The following RNF17 variants were observed in gnomAD, a reference collection of about 807,000 sequenced individuals.
The protein encoded by RNF17 is spermatogenesis associated 23.
A neutral mutation model predicts 200.5 loss-of-function variants in RNF17; 31 were observed. The ratio of observed to expected loss-of-function variants is 0.15; its 90% CI spans 0.12 to 0.21. The LOEUF (loss-of-function observed/expected upper bound fraction) is 0.21. Among genes scored for constraint, RNF17 ranks in the 10% least tolerant of loss-of-function variants. The pLI is 1.00. For missense variants in RNF17, 1,628 were observed against 1,905.1 expected (o/e 0.85, Z 2.71); for synonymous variants, 606 against 637.8 (o/e 0.95, Z 0.75).
chr13:24,766,017 C>T (rs890043460), intron 1 of RNF17, among the ~76,000 whole-genome samples: 34 of 152,176 alleles, frequency 2.2e-4, no homozygotes, highest in African/African-American at 6.8e-4. Flanking sequence ...CACTTGAGGT[C>T]GGGAGATCAA....
chr13:24,796,739 A>G (rs777912718), intron 11 of RNF17, among the ~76,000 whole-genome samples: 1 of 152,186 alleles, frequency 6.6e-6, no homozygotes, highest in Non-Finnish European at 1.5e-5. Context: ...ATAATTGTAA[A>G]TTCAGTCAGT....
the RNF17 span, among the ~76,000 whole-genome samples, chr13:24,756,582 G>T: frequency 1.3e-5 from 2 of 151,866 alleles, no homozygotes; most frequent in African/African-American, 4.8e-5. Context: ...CCAGACTTGG[G>T]TATGTCATGG....
chr13:24,836,152 G>A (rs2121252), intron 18 of RNF17, among the ~76,000 whole-genome samples: 1 of 152,076 alleles, frequency 6.6e-6, no homozygotes, highest in East Asian at 1.9e-4. Flanking sequence ...CTGGGATTAC[G>A]TTAAACGACC....
chr13:24,763,252 G>A (rs1484696199), upstream of RNF17, among the ~76,000 whole-genome samples: 6 of 150,784 alleles, frequency 4.0e-5, no homozygotes, highest in African/African-American at 1.5e-4. Context: ...GCCCAGACTG[G>A]AGTGCAGTGG....
At chr13:24,765,280 G>T (rs1879498683) in intron 1 of RNF17, among the ~76,000 whole-genome samples, 1 of 152,212 alleles carries the variant, frequency 6.6e-6, no homozygotes, top group South Asian at 2.1e-4. Flanking sequence ...CTCCCAAAGT[G>T]CTGGGATTAC....
Position 24,831,849 on chromosome 13 carries a change from C to A in RNF17, c.2362-9C>A. 6.3e-7 allele frequency: 1 copy of A among 1,587,642 alleles called. No homozygotes were observed. Among genetic ancestry groups the A allele is most frequent in the South Asian group, 1.2e-5 (1 of 84,624 alleles). ...TTTTTTCTTAATGGTGGAATTTTGT[C>A]TGACACAGGCAATTAAATGTAAGTT... On this transcript the variant is annotated splice_polypyrimidine_tract_variant and intron_variant, in intron 17 of 35. Transcript: ENST00000255324.
At chr13:24,751,775 T>G in the RNF17 span, 2 of 152,192 alleles carry the variant, frequency 1.3e-5, no homozygotes, top group African/African-American at 2.4e-5. Flanking sequence ...TTGAAGACCA[T>G]TTTCAAGTAT....
rs752438121 is a variant in RNF17, at chr13:24,879,207, A to G, written c.4794A>G (p.Ile1598Met). 2 of 1,613,468 alleles carry G rather than the reference A, an allele frequency of 1.2e-6. No homozygotes were observed. Among genetic ancestry groups the G allele is most frequent in the Non-Finnish European group, 1.7e-6 (2 of 1,179,408 alleles). ...TTTAGGCTCCAGCACCAGAACAGATAGTGACATTATATGACGATGAACAGC... is the reference window on the plus strand; with the variant it reads ...TTTAGGCTCCAGCACCAGAACAGATGGTGACATTATATGACGATGAACAGC... ...AVSMAPAPEQ[I>M]VTLYDDEQHP... Residue 1598 changes from isoleucine to methionine, a missense_variant, in exon 35 of 36, where the codon ATA becomes ATG. Transcript: ENST00000255324.
In RNF17 at chr13:24,842,084, T is replaced by C. The variant is rs1890699731; in HGVS notation, c.2526T>C (p.Ser842=). The C allele has an allele frequency of 3.7e-6, 6 of 1,612,104 alleles. No individual in the cohort carries two copies. In the South Asian group the frequency reaches 5.5e-5, roughly 15 times the overall value. Reference sequence around the variant, plus strand: ...TGCTCTTAGTTGAGCTTTTCGATTCTCTTGGTGCTCCTGAAATGACTACTA... The same window carrying C: ...TGCTCTTAGTTGAGCTTTTCGATTCCCTTGGTGCTCCTGAAATGACTACTA... ...DNVLLVELFD[S]LGAPEMTTTS... The change falls in exon 19 of 36, where the codon TCT becomes TCC. Residue 842 remains serine (S), a synonymous_variant. Transcript: ENST00000255324.
upstream of RNF17, chr13:24,764,168 C>T (rs905621005): frequency 3.2e-6 from 5 of 1,549,068 alleles, no homozygotes; most frequent in African/African-American, 4.1e-5. Context: ...CGCCGGGACT[C>T]GCACTCGGCG....
chr13:24,808,932 T>C (rs1477903107), intron 15 of RNF17, among the ~76,000 whole-genome samples: 2 of 145,794 alleles, frequency 1.4e-5, no homozygotes, highest in African/African-American at 5.1e-5. Flanking sequence ...GTTCTGTTTA[T>C]ATGCTGGATT....
At chr13:24,872,787 GA>G (rs1258149667) in intron 32 of RNF17, among the ~76,000 whole-genome samples, 1 of 141,872 alleles carries the variant, frequency 7.0e-6, no homozygotes, top group Non-Finnish European at 1.6e-5. Context: ...TGCTCAAGGT[GA>G]TGAATACCCT....
chr13:24,884,439 A>G (rs764773804), downstream of RNF17: 1 of 1,613,924 alleles, frequency 6.2e-7, no homozygotes, highest in East Asian at 2.2e-5. Flanking sequence ...ATAACACGGC[A>G]CCCATTCTTA....
intron 18 of RNF17, among the ~76,000 whole-genome samples, chr13:24,834,925 G>A (rs1277956364): frequency 6.6e-6 from 1 of 152,170 alleles, no homozygotes; most frequent in East Asian, 1.9e-4. Flanking sequence ...GATAGCCTGG[G>A]GCAGGTTTTC....
chr13:24,789,871 G>A, intron 9 of RNF17, 99 bp downstream of exon 9: 1 of 740,292 alleles, frequency 1.4e-6, no homozygotes. Flanking sequence ...TTCAAAAGCT[G>A]AAAAATAAAG....
chr13:24,826,770 GA>G (rs796693007), intron 16 of RNF17, among the ~76,000 whole-genome samples: 21 of 144,438 alleles, frequency 1.5e-4, no homozygotes, highest in African/African-American at 4.1e-4. Context: ...AAGACTGTCT[GA>G]AAAAAAAGGC....
the RNF17 span, among the ~76,000 whole-genome samples, chr13:24,752,898 G>A: frequency 6.6e-6 from 1 of 152,200 alleles, no homozygotes; most frequent in African/African-American, 2.4e-5. Context: ...GGCGTGGCCT[G>A]CGTGGCCCTA....
At chr13:24,862,163 G>A (rs1211180557) in intron 27 of RNF17, among the ~76,000 whole-genome samples, 1 of 152,106 alleles carries the variant, frequency 6.6e-6, no homozygotes, top group African/African-American at 2.4e-5. Context: ...ATAAGATTTG[G>A]GTGGGGACAC....
In RNF17 at chr13:24,842,201, T is replaced by A. The variant is rs762367007; in HGVS notation, c.2603+40T>A. Reference sequence around the variant, plus strand: ...AAACTTTCATTGTTAGTTCATGTTCTTATGTAACATTGTAATCACAAGAAG... The same window carrying A: ...AAACTTTCATTGTTAGTTCATGTTCATATGTAACATTGTAATCACAAGAAG... On this transcript the variant is annotated intron_variant, in intron 19 of 35. Coordinates refer to ENST00000255324, the MANE Select transcript of RNF17 (RefSeq NM_031277.3). 2.6e-6 allele frequency: 4 copies of A among 1,526,542 alleles called. No homozygotes were observed. In the African/African-American group the frequency reaches 5.6e-5, roughly 21 times the overall value. The allele number at this position is 1,526,542 out of a possible 1,614,324, so 94.6% of individuals were successfully genotyped here.
Sources: allele counts gnomAD v4.1 joint callset (sites outside exome capture counted in the v4.1 genomes callset), GRCh38; gene constraint gnomAD v4.1.1; transcripts MANE v1.5; gene names NCBI Gene and HGNC (gene_info 2026-07-23, HGNC 2026-07-21).